The following NEK1 variants were observed in gnomAD, a reference collection of about 807,000 sequenced individuals.
NEK1 encodes the protein serine/threonine-protein kinase Nek1.
Under a neutral mutation model 182.1 loss-of-function variants are expected in NEK1, and 137 were observed. The ratio of observed to expected loss-of-function variants is 0.75; its 90% CI spans 0.65 to 0.87. The LOEUF is 0.87. Ranked by LOEUF, NEK1 falls within the 40% of genes least tolerant of loss-of-function variation. NEK1 has a pLI of 0.00. For synonymous variants in NEK1, 513 were observed against 492.2 expected (o/e 1.04, Z -0.56); for missense variants, 1,391 against 1,494.4 (o/e 0.93, Z 1.14).
At chr4:169,589,319 G>T in intron 7 of NEK1, 128 bp downstream of exon 7, 1 of 662,874 alleles carries the variant, frequency 1.5e-6, no homozygotes, top group Non-Finnish European at 2.7e-6. Flanking sequence ...CTCAGAACAT[G>T]TCCCAATAAA....
chr4:169,524,461 C>CAA lies in NEK1; in HGVS notation c.1665+13346_1665+13347dup, dbSNP rs953408098. Among the ~76,000 whole-genome samples the CAA allele has an allele frequency of 7.8e-3, 392 of 50,408 alleles. 7 individuals are homozygous for CAA. Among genetic ancestry groups the CAA allele is most frequent in the African/African-American group, 0.02 (366 of 18,674 alleles). The allele number at this position is 50,408 out of a possible 152,430, so 33.1% of individuals were successfully genotyped here. A position where few individuals can be genotyped will look rare whatever the true frequency, so the allele number is the denominator to read the frequency against. On this transcript the variant is annotated intron_variant, in intron 19 of 35. Transcript: ENST00000507142. ...GGGCAATGAGAGCGAAATTCCATCT[C>CAA]AAAAAAAAAAAAAAAAAAAGAAAAA...
intron 12 of NEK1, among the ~76,000 whole-genome samples, chr4:169,565,308 C>A (rs1763507473): frequency 6.6e-6 from 1 of 152,156 alleles, no homozygotes; most frequent in Non-Finnish European, 1.5e-5. Context: ...GTATAGCAGA[C>A]CCTGCTACTT....
intron 27 of NEK1, among the ~76,000 whole-genome samples, chr4:169,442,577 C>A (rs1739687942): frequency 6.6e-6 from 1 of 152,184 alleles, no homozygotes; most frequent in Admixed American, 6.5e-5. Context: ...CACGGTAATT[C>A]TCCAACAAGA....
intron 31 of NEK1, among the ~76,000 whole-genome samples, chr4:169,419,263 T>C (rs1338386944): frequency 6.6e-6 from 1 of 151,566 alleles, no homozygotes; most frequent in Non-Finnish European, 1.5e-5. Flanking sequence ...GAAGACAATA[T>C]AATTCTATAT....
At chr4:169,509,617 A>G (rs765036099) in intron 19 of NEK1, among the ~76,000 whole-genome samples, 9 of 152,082 alleles carry the variant, frequency 5.9e-5, no homozygotes, top group African/African-American at 1.9e-4. Context: ...AAGGTCACCA[A>G]TGACTTTCTA....
chr4:169,395,828 C>G (rs1355593280), intron 35 of NEK1, among the ~76,000 whole-genome samples: 1 of 152,080 alleles, frequency 6.6e-6, no homozygotes. Context: ...GTATTCTTCC[C>G]GCTCATGGTT....
chr4:169,425,376 C>T lies in NEK1; in HGVS notation c.2975-576G>A, dbSNP rs186203539. On this transcript the variant is annotated intron_variant, in intron 30 of 35. Coordinates refer to ENST00000507142, the MANE Select transcript of NEK1 (RefSeq NM_001199397.3). Reference sequence around the variant, plus strand: ...GTTCGAGGCTGCAGTGAGTTATCATCGCGCCACTGCACTCCAGCCTGGGCA... The same window carrying T: ...GTTCGAGGCTGCAGTGAGTTATCATTGCGCCACTGCACTCCAGCCTGGGCA... Among the ~76,000 whole-genome samples the T allele has an allele frequency of 7.0e-3, 1,067 of 151,434 alleles. 11 individuals are homozygous for T. The highest frequency in any genetic ancestry group is 0.025 in the African/African-American group (1,022 of 41,236).
intron 2 of NEK1, 108 bp from the exon 3 acceptor site, chr4:169,602,786 T>A: frequency 1.8e-6 from 1 of 545,216 alleles, no homozygotes; most frequent in East Asian, 3.2e-5. Flanking sequence ...GCTAACATTT[T>A]AAAAAAGGAT....
At chr4:169,463,585 T>C (rs1303015459) in intron 26 of NEK1, among the ~76,000 whole-genome samples, 190 bp from the exon 27 acceptor site, 1 of 152,154 alleles carries the variant, frequency 6.6e-6, no homozygotes, top group African/African-American at 2.4e-5. Flanking sequence ...AATAAAAATA[T>C]ATCTACAATT....
rs1372039005 is a variant in NEK1 at position 169,589,466 on chromosome 4, T to G, written c.445A>C (p.Ile149Leu). The G allele has an allele frequency of 5.3e-6, 8 of 1,515,124 alleles. No homozygotes were observed. The East Asian group carries it at 2.0e-4, about 37-fold the overall frequency. The allele number at this position is 1,515,124 out of a possible 1,614,324, so 93.9% of individuals were successfully genotyped here. ...TGTTACCTATTAAGAACTCTAGCAATTCCAAAATCTCCAAGTTGTACTGTT... is the reference window on the plus strand; with the variant it reads ...TGTTACCTATTAAGAACTCTAGCAAGTCCAAAATCTCCAAGTTGTACTGTT... Reference protein sequence around the residue: ...DGTVQLGDFGIARVLNSTVEL... With the variant: ...DGTVQLGDFGLARVLNSTVEL... The change falls in exon 7 of 36, where the codon ATT (isoleucine) becomes CTT (leucine). Residue 149 changes from isoleucine (I) to leucine (L), a missense_variant. Coordinates refer to ENST00000507142, the MANE Select transcript of NEK1 (RefSeq NM_001199397.3).
intron 4 of NEK1, among the ~76,000 whole-genome samples, chr4:169,600,716 AT>A (rs1770340924): frequency 1.3e-5 from 2 of 152,198 alleles, no homozygotes; most frequent in African/African-American, 4.8e-5. Context: ...GAAAACTATA[AT>A]TCACTATTTA....
At chr4:169,602,197 T>A in intron 3 of NEK1, 93 bp from the exon 4 acceptor site, 1 of 840,586 alleles carries the variant, frequency 1.2e-6, no homozygotes, top group Non-Finnish European at 2.0e-6. Flanking sequence ...CATAATAGTA[T>A]TAATACAGTT....
intron 23 of NEK1, among the ~76,000 whole-genome samples, chr4:169,505,446 C>A (rs1753087777): frequency 6.6e-6 from 1 of 152,112 alleles, no homozygotes. Flanking sequence ...AACATTTTTC[C>A]TTTAGCTTTG....
chr4:169,436,641 G>A (rs62334472), intron 28 of NEK1, among the ~76,000 whole-genome samples: 69,970 of 152,064 alleles, frequency 0.46, 18,593 homozygotes, highest in East Asian at 0.76. Flanking sequence ...GATACAGAGA[G>A]CCCAGGATGA....
At chr4:169,523,741 A>T (rs1338462482) in intron 19 of NEK1, among the ~76,000 whole-genome samples, 2 of 152,230 alleles carry the variant, frequency 1.3e-5, no homozygotes, top group African/African-American at 2.4e-5. Flanking sequence ...AGCTTTCAAT[A>T]AATAGTTATT....
At chr4:169,513,166 T>A (rs1359638236) in intron 19 of NEK1, among the ~76,000 whole-genome samples, 2 of 152,184 alleles carry the variant, frequency 1.3e-5, no homozygotes, top group South Asian at 4.1e-4. Context: ...GCATTATCTC[T>A]CCAATTTAAC....
intron 22 of NEK1, 137 bp downstream of exon 22, chr4:169,507,578 A>G (rs1753516654): frequency 2.0e-6 from 1 of 508,792 alleles, no homozygotes; most frequent in Non-Finnish European, 3.4e-6. Flanking sequence ...TTAGAAACCA[A>G]AAAGTGGAGG....
intron 2 of NEK1, among the ~76,000 whole-genome samples, chr4:169,603,872 AT>A (rs1770901430): frequency 6.6e-6 from 1 of 151,876 alleles, no homozygotes; most frequent in Non-Finnish European, 1.5e-5. Flanking sequence ...CACACAGCTA[AT>A]TTTTGTATTT....
At chr4:169,439,363 A>G (rs1343626066) in intron 27 of NEK1, among the ~76,000 whole-genome samples, 1 of 152,188 alleles carries the variant, frequency 6.6e-6, no homozygotes, top group African/African-American at 2.4e-5. Context: ...CAGAGCAAAA[A>G]AGTTGTTCAT....
Sources: allele counts gnomAD v4.1 joint callset (sites outside exome capture counted in the v4.1 genomes callset), GRCh38; gene constraint gnomAD v4.1.1; transcripts MANE v1.5; gene names NCBI Gene and HGNC (gene_info 2026-07-23, HGNC 2026-07-21).